The following GPR143 variants were observed in gnomAD, a reference collection of about 807,000 sequenced individuals.
GPR143 encodes G protein-coupled receptor 143.
In GPR143, 8 loss-of-function variants were observed where a neutral mutation model predicts 27.6. The ratio of observed to expected loss-of-function variants is 0.29; its 90% CI spans 0.17 to 0.52. The LOEUF is 0.52. Among genes scored for constraint, GPR143 ranks in the 20% least tolerant of loss-of-function variants. The pLI is 0.96. For missense variants in GPR143, 303 were observed against 343.1 expected, an observed-to-expected ratio of 0.88 and a Z score of 0.92; for synonymous variants, 156 against 153.2, an observed-to-expected ratio of 1.02 and a Z score of -0.13.
intron 2 of GPR143, among the ~76,000 whole-genome samples, chrX:9,760,090 G>A (rs1569124005): frequency 2.7e-5 from 3 of 111,673 alleles, no homozygotes; most frequent in Non-Finnish European, 3.8e-5. Flanking sequence ...ATAATTATGT[G>A]GTTTTATTTT....
At chrX:9,732,569 A>G (rs60499341) in intron 8 of GPR143, among the ~76,000 whole-genome samples, 4,454 of 111,581 alleles carry the variant, frequency 0.04, 216 homozygotes, top group African/African-American at 0.14. Flanking sequence ...TGAAATAGAA[A>G]AATGGAGAAT....
chrX:9,755,727 A>G (rs1266081565), intron 3 of GPR143, among the ~76,000 whole-genome samples: 3 of 111,719 alleles, frequency 2.7e-5, no homozygotes, highest in Non-Finnish European at 5.6e-5. Context: ...GACGCAGGAA[A>G]ATCAAAGGAA....
intron 8 of GPR143, among the ~76,000 whole-genome samples, chrX:9,733,635 G>T (rs1211782403): frequency 1.8e-5 from 2 of 111,731 alleles, no homozygotes; most frequent in Non-Finnish European, 3.8e-5. Flanking sequence ...TGGAAAAAAA[G>T]AAAGGATTAT....
At chrX:9,730,872 TA>T (rs1175391894) in intron 8 of GPR143, among the ~76,000 whole-genome samples, 1 of 111,627 alleles carries the variant, frequency 9.0e-6, no homozygotes, top group African/African-American at 3.3e-5. Flanking sequence ...CTGCCTTCCC[TA>T]CCTTCCTCCA....
upstream of GPR143, among the ~76,000 whole-genome samples, chrX:9,770,872 C>A (rs754702306): frequency 2.7e-5 from 3 of 112,340 alleles, no homozygotes; most frequent in Non-Finnish European, 5.6e-5. Flanking sequence ...CACCAGATGA[C>A]CAACAGCATC....
chrX:9,775,613 A>G (rs2083568627), intron 1 of GPR143, among the ~76,000 whole-genome samples: 1 of 111,792 alleles, frequency 8.9e-6, no homozygotes, highest in Admixed American at 9.5e-5. Context: ...ACCCAGGCAG[A>G]TGATGCCATG....
At chrX:9,751,821 TG>T (rs2083452699) in intron 3 of GPR143, among the ~76,000 whole-genome samples, 1 of 113,054 alleles carries the variant, frequency 8.8e-6, no homozygotes, top group Admixed American at 9.3e-5. Context: ...CAGCGCAGTA[TG>T]TCTCACTCAG....
chrX:9,743,689 G>A lies in GPR143; in HGVS notation c.659-16C>T. 1.1e-6 allele frequency: 1 copy of A among 909,848 alleles called. No individual in the cohort carries two copies. The highest frequency in any genetic ancestry group is 2.0e-5 in the South Asian group (1 of 50,854). 75.0% of individuals were successfully genotyped at this position (909,848 alleles called of 1,213,427 possible). The stretch of plus-strand genomic sequence containing the variant: ...AAAGAGGCCACTGTGAAGAACAGAA[G>A]GAACTATGTATGGTGTTCATTATTC... On this transcript the variant is annotated splice_polypyrimidine_tract_variant and intron_variant, in intron 5 of 8. Coordinates refer to ENST00000467482, the MANE Select transcript of GPR143 (RefSeq NM_000273.3).
chrX:9,767,991 C>T (rs767103401), upstream of GPR143, among the ~76,000 whole-genome samples: 1 of 111,535 alleles, frequency 9.0e-6, no homozygotes, highest in Admixed American at 9.6e-5. Flanking sequence ...AAACACACTC[C>T]GCCTCTCTGC....
chrX:9,776,287 T>C (rs1322821474), intron 1 of GPR143, among the ~76,000 whole-genome samples: 1 of 112,699 alleles, frequency 8.9e-6, no homozygotes, highest in African/African-American at 3.2e-5. Flanking sequence ...TTAAGTGCAG[T>C]GGCCCTTTAC....
chrX:9,753,212 G>T (rs1308023486), intron 3 of GPR143, among the ~76,000 whole-genome samples: 10 of 110,191 alleles, frequency 9.1e-5, no homozygotes, highest in Non-Finnish European at 1.5e-4. Flanking sequence ...ACAAAAATTA[G>T]CTGGGTGTGG....
intron 8 of GPR143, among the ~76,000 whole-genome samples, chrX:9,726,340 A>G (rs2083327502): frequency 9.0e-6 from 1 of 111,379 alleles, no homozygotes; most frequent in Admixed American, 9.6e-5. Flanking sequence ...CTGTAAAACT[A>G]TGCCATCTCC....
intron 6 of GPR143, among the ~76,000 whole-genome samples, chrX:9,743,218 CAAAAA>C (rs35238066): frequency 2.7e-5 from 1 of 37,269 alleles, no homozygotes; most frequent in East Asian, 8.7e-4. Context: ...GACCCTGTCT[CAAAAA>C]AAAAAAAAAA....
chrX:9,733,185 A>T (rs780816807), intron 8 of GPR143, among the ~76,000 whole-genome samples: 1 of 111,528 alleles, frequency 9.0e-6, no homozygotes, highest in African/African-American at 3.3e-5. Context: ...AGACGAAAGG[A>T]ATTGTGGGAG....
chrX:9,735,131 G>A (rs2083373607), intron 8 of GPR143, among the ~76,000 whole-genome samples: 1 of 112,372 alleles, frequency 8.9e-6, no homozygotes, highest in African/African-American at 3.2e-5. Flanking sequence ...TCCCCTCAAT[G>A]GAAACTGCTG....
rs753762360 is a variant in GPR143 at position 9,778,422 on chromosome X, C to T, written c.-3+7820G>A. On this transcript the variant is annotated intron_variant, in intron 1 of 7. Transcript: ENST00000447366. The stretch of plus-strand genomic sequence containing the variant: ...CACCAAGCACCTTCCATTTGCTGAT[C>T]CCCTCGCTCATGCTCAGTTGGGGTC... Among the ~76,000 whole-genome samples, 12 of 68,546 alleles carry T rather than the reference C, an allele frequency of 1.8e-4. No homozygotes were observed. The South Asian group carries it at 7.2e-3, about 41-fold the overall frequency. 59.5% of individuals were successfully genotyped at this position (68,546 alleles called of 115,157 possible).
chrX:9,758,332 G>C (rs1468432436), intron 3 of GPR143, among the ~76,000 whole-genome samples: 1 of 111,740 alleles, frequency 8.9e-6, no homozygotes, highest in African/African-American at 3.3e-5. Flanking sequence ...CATATACAGG[G>C]GTTATCACAT....
intron 5 of GPR143, among the ~76,000 whole-genome samples, chrX:9,744,989 C>T (rs1437314231): frequency 1.8e-5 from 2 of 111,957 alleles, no homozygotes; most frequent in African/African-American, 3.3e-5. Context: ...TGGTGGCTCA[C>T]GCCTGTAATC....
At chrX:9,759,565 G>A (rs930652482) in intron 2 of GPR143, 139 bp from the exon 3 acceptor site, 189 of 512,588 alleles carry the variant, frequency 3.7e-4, no homozygotes, top group Admixed American at 8.1e-4. Flanking sequence ...ACACAAGTGG[G>A]CACAGTTCCT....
Sources: allele counts gnomAD v4.1 joint callset (sites outside exome capture counted in the v4.1 genomes callset), GRCh38; gene constraint gnomAD v4.1.1; transcripts MANE v1.5; gene names NCBI Gene and HGNC (gene_info 2026-07-23, HGNC 2026-07-21).